Variants in PCLO observed in about 807,000 individuals in gnomAD.
The protein encoded by PCLO is piccolo presynaptic cytomatrix protein.
PCLO carries 82 observed loss-of-function variants against 427.5 expected under a neutral mutation model. The observed-to-expected ratio is 0.19, with a 90% CI of 0.16 to 0.23. The LOEUF (loss-of-function observed/expected upper bound fraction) is 0.23. Ranked by LOEUF, PCLO falls within the 10% of genes least tolerant of loss-of-function variation. PCLO has a pLI of 1.00. For synonymous variants in PCLO, 2,357 were observed against 2,155.4 expected (o/e 1.09, Z -2.59); for missense variants, 6,239 against 6,115.9 (o/e 1.02, Z -0.67).
At chr7:83,011,604 GAA>G (rs66516153) in intron 3 of PCLO, among the ~76,000 whole-genome samples, 61 of 148,718 alleles carry the variant, frequency 4.1e-4, no homozygotes, top group Non-Finnish European at 5.7e-4. Flanking sequence ...ATTTTAAGCT[GAA>G]AAAAAAAAAC....
chr7:83,014,598 G>C (rs912845808), intron 3 of PCLO, among the ~76,000 whole-genome samples: 1 of 151,228 alleles, frequency 6.6e-6, no homozygotes, highest in Non-Finnish European at 1.5e-5. Flanking sequence ...TTGCAATATA[G>C]AATGAAAAAA....
intron 24 of PCLO, among the ~76,000 whole-genome samples, chr7:82,759,722 C>G (rs1235583877): frequency 6.6e-6 from 1 of 151,904 alleles, no homozygotes; most frequent in Non-Finnish European, 1.5e-5. Context: ...GTACCATGGT[C>G]TCTTCCTATA....
chr7:83,043,573 A>T (rs553278210), intron 3 of PCLO, among the ~76,000 whole-genome samples: 1 of 152,352 alleles, frequency 6.6e-6, no homozygotes, highest in Admixed American at 6.5e-5. Context: ...AACTTCTTAC[A>T]TAAGTGTGGA....
At chr7:83,096,842 A>ATT (rs1182636548) in intron 3 of PCLO, among the ~76,000 whole-genome samples, 1 of 94,728 alleles carries the variant, frequency 1.1e-5, no homozygotes, top group African/African-American at 4.4e-5. Context: ...TATATTATAT[A>ATT]ATATAAATAT....
chr7:82,996,813 C>A (rs1344551146), intron 3 of PCLO, among the ~76,000 whole-genome samples: 1 of 151,946 alleles, frequency 6.6e-6, no homozygotes, highest in African/African-American at 2.4e-5. Flanking sequence ...CAAAGAAGGA[C>A]ACATGTGTGG....
At chr7:82,825,411 G>T (rs1584015779) in intron 18 of PCLO, among the ~76,000 whole-genome samples, 1 of 151,964 alleles carries the variant, frequency 6.6e-6, no homozygotes, top group Admixed American at 6.6e-5. Context: ...GGCTAGAGCT[G>T]GATGGAACTG....
chr7:83,099,846 GT>G, intron 3 of PCLO, among the ~76,000 whole-genome samples: 1 of 45,176 alleles, frequency 2.2e-5, no homozygotes, highest in African/African-American at 8.9e-5. Flanking sequence ...TTCTGCTGCT[GT>G]TGTCGTTAAA....
At chr7:82,792,295 A>G (rs2129468435) in intron 22 of PCLO, among the ~76,000 whole-genome samples, 1 of 149,468 alleles carries the variant, frequency 6.7e-6, no homozygotes, top group East Asian at 1.9e-4. Flanking sequence ...CTTGTTTTTC[A>G]TTTCTTCATA....
intron 3 of PCLO, among the ~76,000 whole-genome samples, chr7:83,069,678 T>A (rs2116347205): frequency 6.6e-6 from 1 of 152,074 alleles, no homozygotes; most frequent in East Asian, 1.9e-4. Context: ...TAGGACATAG[T>A]AAGTTTTTAA....
chr7:82,933,738 T>C (rs1371709846), intron 6 of PCLO, among the ~76,000 whole-genome samples: 1 of 152,020 alleles, frequency 6.6e-6, no homozygotes, highest in African/African-American at 2.4e-5. Flanking sequence ...GAAGCATAGA[T>C]TTTGAGGCCC....
intron 10 of PCLO, among the ~76,000 whole-genome samples, chr7:82,863,571 A>G (rs1230442818): frequency 4.6e-5 from 7 of 151,964 alleles, no homozygotes; most frequent in South Asian, 2.1e-4. Flanking sequence ...AATGTTATCA[A>G]TGTTAGAGTG....
At chr7:83,063,951 C>T (rs1012739538) in intron 3 of PCLO, among the ~76,000 whole-genome samples, 3 of 151,992 alleles carry the variant, frequency 2.0e-5, no homozygotes, top group African/African-American at 7.2e-5. Flanking sequence ...TACTGTGTAA[C>T]ATTTGACTTA....
intron 6 of PCLO, among the ~76,000 whole-genome samples, chr7:82,921,945 G>T (rs1445228781): frequency 6.6e-6 from 1 of 151,632 alleles, no homozygotes; most frequent in East Asian, 1.9e-4. Context: ...TTTCTCAAAA[G>T]ACATTCACAT....
intron 10 of PCLO, among the ~76,000 whole-genome samples, chr7:82,867,438 T>G (rs1043250899): frequency 6.6e-6 from 1 of 152,166 alleles, no homozygotes; most frequent in Non-Finnish European, 1.5e-5. Flanking sequence ...AGATCTGAAT[T>G]TAAATCCTGA....
intron 3 of PCLO, among the ~76,000 whole-genome samples, chr7:83,058,620 A>G (rs1421328742): frequency 6.6e-6 from 1 of 152,184 alleles, no homozygotes; most frequent in Admixed American, 6.5e-5. Context: ...TGTTCTAAGA[A>G]TATTGCCTAA....
At chr7:83,012,197 TAGG>T (rs2115997605) in intron 3 of PCLO, among the ~76,000 whole-genome samples, 1 of 152,174 alleles carries the variant, frequency 6.6e-6, no homozygotes, top group Admixed American at 6.5e-5. Context: ...AGAGATATAA[TAGG>T]AAGTGGTGTG....
intron 3 of PCLO, among the ~76,000 whole-genome samples, chr7:83,121,491 C>G (rs914308434): frequency 6.6e-5 from 10 of 151,844 alleles, no homozygotes; most frequent in Admixed American, 1.3e-4. Context: ...AATTAGAAAA[C>G]AAATTTTAAA....
intron 3 of PCLO, among the ~76,000 whole-genome samples, chr7:83,027,185 T>A: frequency 7.4e-6 from 1 of 134,494 alleles, no homozygotes; most frequent in Non-Finnish European, 1.6e-5. Flanking sequence ...TTTGAAAGGA[T>A]CAACAAAATT....
chr7:83,125,289 C>T (rs1022098072), intron 3 of PCLO, among the ~76,000 whole-genome samples: 10 of 151,994 alleles, frequency 6.6e-5, no homozygotes, highest in African/African-American at 4.8e-5. Context: ...TCCGCCCGGC[C>T]GCCGCCCCCT....
Sources: allele counts gnomAD v4.1 joint callset (sites outside exome capture counted in the v4.1 genomes callset), GRCh38; gene constraint gnomAD v4.1.1; transcripts MANE v1.5; gene names NCBI Gene and HGNC (gene_info 2026-07-23, HGNC 2026-07-21).